The following DOCK1 variants were observed in gnomAD, a reference collection of about 807,000 sequenced individuals.
DOCK1 encodes the protein dedicator of cytokinesis 1.
DOCK1 carries 138 observed loss-of-function variants against 262.7 expected under a neutral mutation model. The observed-to-expected ratio is 0.53, with a 90% CI of 0.46 to 0.61. DOCK1 has a LOEUF of 0.61. Among genes scored for constraint, DOCK1 ranks in the 20% least tolerant of loss-of-function variants. DOCK1 has a pLI of 0.00. For missense variants in DOCK1, 1,908 were observed against 2,370.7 expected, an observed-to-expected ratio of 0.80 and a Z score of 4.05; for synonymous variants, 866 against 867.4, an observed-to-expected ratio of 1.00 and a Z score of 0.03.
chr10:127,439,045 C>A lies in DOCK1; in HGVS notation c.5079C>A (p.Leu1693=). The A allele has an allele frequency of 6.4e-7, 1 of 1,552,230 alleles. No homozygotes were observed. The highest frequency in any genetic ancestry group is 1.2e-5 in the South Asian group (1 of 83,994). The change falls in exon 49 of 52, where the codon CTC becomes CTA. Residue 1693 remains leucine, a synonymous_variant. Coordinates refer to ENST00000623213, the MANE Select transcript of DOCK1 (RefSeq NM_001290223.2). ...CCTTTAGGTTTGCCCTGGAGCCTCT[C>A]CTGCCAAAGAAAATGCACTCCAGGT... The part of the protein sequence containing the change: ...PGSDGFALEP[L]LPKKMHSRSQ...
Position 126,978,008 on chromosome 10 carries a change from C to G in DOCK1, c.171+20C>G. The G allele has an allele frequency of 6.2e-7, 1 of 1,611,040 alleles. No homozygotes were observed. On this transcript the variant is annotated intron_variant, in intron 3 of 51. Coordinates refer to ENST00000623213, the MANE Select transcript of DOCK1 (RefSeq NM_001290223.2). ...AAGAAGGTAAGTCCTTCTTCTTAAA[C>G]ACAGTGCATGTCTCTTCATAAATCA...
intron 13 of DOCK1, among the ~76,000 whole-genome samples, chr10:127,019,363 T>A (rs1392073189): frequency 6.6e-6 from 1 of 152,230 alleles, no homozygotes; most frequent in African/African-American, 2.4e-5. Context: ...ATAACGTTCC[T>A]AATAATCTGA....
At chr10:127,196,925 G>A (rs2057215140) in intron 27 of DOCK1, among the ~76,000 whole-genome samples, 1 of 152,072 alleles carries the variant, frequency 6.6e-6, no homozygotes, top group Non-Finnish European at 1.5e-5. Context: ...AGGGATGGGG[G>A]GTCGCTGGGG....
intron 27 of DOCK1, among the ~76,000 whole-genome samples, chr10:127,194,607 C>T (rs1226943796): frequency 1.3e-5 from 2 of 152,174 alleles, no homozygotes; most frequent in African/African-American, 4.8e-5. Context: ...GGGAATGGCC[C>T]GGGTCTTGTG....
chr10:127,030,273 G>C (rs922314413), intron 16 of DOCK1, among the ~76,000 whole-genome samples: 1 of 152,148 alleles, frequency 6.6e-6, no homozygotes, highest in African/African-American at 2.4e-5. Context: ...CTCTGTTTCT[G>C]TGCTCTGCTG....
At chr10:127,272,649 CAA>C (rs1000259082) in intron 29 of DOCK1, among the ~76,000 whole-genome samples, 3 of 152,128 alleles carry the variant, frequency 2.0e-5, no homozygotes, top group African/African-American at 7.2e-5. Flanking sequence ...AGAGGTTTGG[CAA>C]AGAGGTTGGA....
At chr10:126,922,209 C>CAAA (rs1213635501) in intron 1 of DOCK1, among the ~76,000 whole-genome samples, 8 of 63,948 alleles carry the variant, frequency 1.3e-4, no homozygotes, top group African/African-American at 2.5e-4. Flanking sequence ...GACCCTGTAT[C>CAAA]AAAAAAAAAA....
intron 27 of DOCK1, among the ~76,000 whole-genome samples, chr10:127,178,468 G>A (rs2055392672): frequency 6.6e-6 from 1 of 152,134 alleles, no homozygotes; most frequent in African/African-American, 2.4e-5. Context: ...CTCCCTCCCA[G>A]TGTGACAACT....
At chr10:127,400,864 TA>T (rs2067183363) in intron 38 of DOCK1, among the ~76,000 whole-genome samples, 1 of 152,202 alleles carries the variant, frequency 6.6e-6, no homozygotes, top group South Asian at 2.1e-4. Flanking sequence ...GTTTAAGGTT[TA>T]AATGATAATA....
chr10:127,404,562 G>T, intron 40 of DOCK1, 133 bp downstream of exon 40: 1 of 768,022 alleles, frequency 1.3e-6, no homozygotes. Flanking sequence ...ATAGCTCGGT[G>T]GTTAGCCCGG....
intron 27 of DOCK1, among the ~76,000 whole-genome samples, chr10:127,188,234 A>AT (rs2056456347): frequency 2.0e-5 from 3 of 152,316 alleles, no homozygotes; most frequent in Admixed American, 2.0e-4. Context: ...GGGTGGATTC[A>AT]TGTTCCACAG....
intron 21 of DOCK1, 138 bp from the exon 22 acceptor site, chr10:127,052,540 AGAG>A: frequency 7.4e-6 from 8 of 1,087,634 alleles, no homozygotes. Context: ...AAAAAAAAAA[AGAG>A]AAAACGTTTT....
intron 23 of DOCK1, among the ~76,000 whole-genome samples, chr10:127,081,655 C>T (rs1459892998): frequency 6.6e-6 from 1 of 152,074 alleles, no homozygotes; most frequent in African/African-American, 2.4e-5. Context: ...CTGTGGATTT[C>T]CTGGCCTGAT....
intron 29 of DOCK1, among the ~76,000 whole-genome samples, chr10:127,258,233 G>A (rs1426045133): frequency 6.6e-6 from 1 of 152,072 alleles, no homozygotes; most frequent in Admixed American, 6.5e-5. Flanking sequence ...TGAAGCCACT[G>A]AGTGTTTCCA....
chr10:127,166,938 G>T (rs535278424), intron 27 of DOCK1, among the ~76,000 whole-genome samples: 15 of 151,824 alleles, frequency 9.9e-5, no homozygotes, highest in Non-Finnish European at 2.1e-4. Context: ...GGCTGAGGAG[G>T]TATTTGAAAT....
chr10:127,185,258 G>A (rs2056119458), intron 27 of DOCK1, among the ~76,000 whole-genome samples: 1 of 152,192 alleles, frequency 6.6e-6, no homozygotes. Flanking sequence ...GCCAGGCACG[G>A]TGGCTCATGC....
intron 28 of DOCK1, among the ~76,000 whole-genome samples, chr10:127,252,212 C>T (rs10829641): frequency 0.63 from 71,595 of 114,528 alleles, 23,329 homozygotes; most frequent in Admixed American, 0.73. Context: ...TCATGTCCTT[C>T]GCCCACTTTT....
At chr10:127,038,273 G>T (rs971802995) in intron 19 of DOCK1, among the ~76,000 whole-genome samples, 3 of 152,078 alleles carry the variant, frequency 2.0e-5, no homozygotes, top group African/African-American at 4.8e-5. Context: ...ACACCTCTAG[G>T]TGCACAGAGT....
chr10:127,116,147 T>C (rs1391607884), intron 25 of DOCK1, among the ~76,000 whole-genome samples: 1 of 152,186 alleles, frequency 6.6e-6, no homozygotes, highest in Non-Finnish European at 1.5e-5. Context: ...GGTTGGACTC[T>C]GGCAGTGAGT....
Sources: allele counts gnomAD v4.1 joint callset (sites outside exome capture counted in the v4.1 genomes callset), GRCh38; gene constraint gnomAD v4.1.1; transcripts MANE v1.5; gene names NCBI Gene and HGNC (gene_info 2026-07-23, HGNC 2026-07-21).